Variants in KCNIP1 observed in about 807,000 individuals in gnomAD.
The protein encoded by KCNIP1 is potassium voltage-gated channel interacting protein 1.
A neutral mutation model predicts 33.0 loss-of-function variants in KCNIP1; 18 were observed. The ratio of observed to expected loss-of-function variants is 0.55; its 90% confidence interval spans 0.38 to 0.81. KCNIP1 has a LOEUF of 0.81. KCNIP1 is among the 30% of genes least tolerant of loss of function. KCNIP1 has a pLI of 0.00. For synonymous variants in KCNIP1, 93 were observed against 98.3 expected (o/e 0.95, Z 0.32); for missense variants, 238 against 271.6 (o/e 0.88, Z 0.87).
intron 1 of KCNIP1, among the ~76,000 whole-genome samples, chr5:170,670,611 G>A (rs1025775728): frequency 1.3e-5 from 2 of 152,140 alleles, no homozygotes; most frequent in African/African-American, 4.8e-5. Context: ...GAACATCCTG[G>A]GCCAGGCGCA....
intron 1 of KCNIP1, among the ~76,000 whole-genome samples, chr5:170,638,045 G>T (rs551320260): frequency 1.5e-5 from 2 of 133,458 alleles, no homozygotes; most frequent in Non-Finnish European, 3.2e-5. Context: ...GGGGTGGGGG[G>T]TGGGGATGTT....
chr5:170,548,973 G>A (rs1756509599), intron 1 of KCNIP1, among the ~76,000 whole-genome samples: 1 of 152,148 alleles, frequency 6.6e-6, no homozygotes, highest in African/African-American at 2.4e-5. Context: ...GTAGCATGGG[G>A]GCTGGGGCTG....
At chr5:170,397,341 T>C (rs750731376) in intron 1 of KCNIP1, among the ~76,000 whole-genome samples, 2 of 152,132 alleles carry the variant, frequency 1.3e-5, no homozygotes, top group Non-Finnish European at 2.9e-5. Context: ...GTTGCTGCAG[T>C]CCCCAGTGAT....
chr5:170,390,517 A>AAAAAAAAAAAATATAT lies in KCNIP1; in HGVS notation c.88+36554_88+36555insAAAAAAAAAATATATA. Among the ~76,000 whole-genome samples the AAAAAAAAAAAATATAT allele has an allele frequency of 1.1e-4, 8 of 74,546 alleles. 1 individual carries two copies. The highest frequency in any genetic ancestry group is 5.1e-4 in the African/African-American group (8 of 15,618). 48.9% of individuals were successfully genotyped at this position (74,546 alleles called of 152,430 possible). On this transcript the variant is annotated intron_variant, in intron 1 of 7. Transcript: ENST00000377360. ...GACCCCGTCTCAAAAAAAAAAAACA[A>AAAAAAAAAAAATATAT]ATATATATATATATATATATATTTT...
At chr5:170,361,838 C>T (rs1763520847) in intron 1 of KCNIP1, among the ~76,000 whole-genome samples, 1 of 152,172 alleles carries the variant, frequency 6.6e-6, no homozygotes. Context: ...GCCTTCATGA[C>T]CTCATCACCT....
chr5:170,567,548 C>T lies in KCNIP1; in HGVS notation c.61+62915C>T, dbSNP rs140995734. 6.4e-4 allele frequency among the ~76,000 whole-genome samples: 98 copies of T among 152,246 alleles called. 1 individual carries two copies. The highest frequency in any genetic ancestry group is 2.3e-3 in the African/African-American group (95 of 41,544). ...GTGGAAAAAAGCTTCAGAGCTCAGA[C>T]GGGCTGGGCTCTAACAATCATCACA... is the stretch of plus-strand genomic sequence containing the variant. On this transcript the variant is annotated intron_variant, in intron 1 of 7. Transcript: ENST00000328939.
At chr5:170,409,721 G>T (rs1755131813) in intron 1 of KCNIP1, among the ~76,000 whole-genome samples, 2 of 152,190 alleles carry the variant, frequency 1.3e-5, no homozygotes, top group South Asian at 4.1e-4. Context: ...TCTTATGCCA[G>T]TTCTACAAAG....
intron 1 of KCNIP1, among the ~76,000 whole-genome samples, chr5:170,614,121 C>T (rs531190960): frequency 8.5e-5 from 13 of 152,346 alleles, no homozygotes; most frequent in African/African-American, 2.9e-4. Context: ...CAGATGGGAA[C>T]AGCTGGCGAG....
At chr5:170,557,903 A>G (rs1000420691) in intron 1 of KCNIP1, among the ~76,000 whole-genome samples, 3 of 152,232 alleles carry the variant, frequency 2.0e-5, no homozygotes, top group African/African-American at 4.8e-5. Flanking sequence ...GGAGACAGGT[A>G]GAGTGCTTGG....
chr5:170,725,483 G>A (rs2113882436), intron 5 of KCNIP1, among the ~76,000 whole-genome samples: 1 of 152,234 alleles, frequency 6.6e-6, no homozygotes, highest in South Asian at 2.1e-4. Flanking sequence ...ACAATATGAA[G>A]ATAGAGGGCA....
rs1365944589 is a variant in KCNIP1 at position 170,391,399 on chromosome 5, T to TG, written c.88+37439dup. Among the ~76,000 whole-genome samples the TG allele has an allele frequency of 5.3e-5, 8 of 152,246 alleles. No homozygotes were observed. The East Asian group carries it at 1.5e-3, about 29-fold the overall frequency. ...GGGAACAAACAGGGAAGGGGGGCCG[T>TG]GGGGTCTTCTGCTCCCCCTAAATGA... On this transcript the variant is annotated intron_variant, in intron 1 of 7. Transcript: ENST00000377360.
intron 1 of KCNIP1, among the ~76,000 whole-genome samples, chr5:170,390,517 A>AAAAAAAAAAAATATATAT: frequency 4.0e-5 from 3 of 74,542 alleles, no homozygotes; most frequent in African/African-American, 1.9e-4. Context: ...AAAAAAAACA[A>AAAAAAAAAAAATATATAT]ATATATATAT....
At chr5:170,598,930 T>TGC in intron 1 of KCNIP1, among the ~76,000 whole-genome samples, 1 of 150,884 alleles carries the variant, frequency 6.6e-6, no homozygotes, top group African/African-American at 2.4e-5. Flanking sequence ...TGTGTGTGTG[T>TGC]GTGTGTGTGT....
At chr5:170,544,953 C>A (rs1756358345) in intron 1 of KCNIP1, among the ~76,000 whole-genome samples, 2 of 152,162 alleles carry the variant, frequency 1.3e-5, no homozygotes. Context: ...ACCCAAATAT[C>A]TCTCCTTTGT....
intron 1 of KCNIP1, among the ~76,000 whole-genome samples, chr5:170,604,956 G>A (rs1169988157): frequency 1.3e-5 from 2 of 152,214 alleles, no homozygotes; most frequent in African/African-American, 2.4e-5. Flanking sequence ...ACTTGGTTCT[G>A]AGCCAGGGGG....
At chr5:170,704,404 G>A (rs1394737441) in intron 1 of KCNIP1, among the ~76,000 whole-genome samples, 3 of 138,380 alleles carry the variant, frequency 2.2e-5, no homozygotes, top group Non-Finnish European at 4.6e-5. Flanking sequence ...TTTCTTCTCT[G>A]AGCCTCCGTC....
chr5:170,488,572 G>A (rs963051435), intron 1 of KCNIP1, among the ~76,000 whole-genome samples: 1 of 152,238 alleles, frequency 6.6e-6, no homozygotes, highest in African/African-American at 2.4e-5. Flanking sequence ...ACAATTTAGT[G>A]TATGCATCTA....
intron 1 of KCNIP1, among the ~76,000 whole-genome samples, chr5:170,385,135 G>A (rs934960174): frequency 7.9e-5 from 12 of 152,186 alleles, no homozygotes; most frequent in Admixed American, 2.0e-4. Context: ...GACCAGTGGG[G>A]CTCAGTTCAT....
At chr5:170,488,096 G>T (rs557179897) in intron 1 of KCNIP1, among the ~76,000 whole-genome samples, 1 of 152,296 alleles carries the variant, frequency 6.6e-6, no homozygotes, top group Non-Finnish European at 1.5e-5. Context: ...GTGCCTCCTG[G>T]AATAGCCTTT....
Sources: allele counts gnomAD v4.1 joint callset (sites outside exome capture counted in the v4.1 genomes callset), GRCh38; gene constraint gnomAD v4.1.1; transcripts MANE v1.5; gene names NCBI Gene and HGNC (gene_info 2026-07-23, HGNC 2026-07-21).